DPP6: variants seen among roughly 807,000 people sequenced by gnomAD.
The protein encoded by DPP6 is dipeptidyl peptidase like 6, also known as A-type potassium channel modulatory protein DPP6.
In DPP6, 69 loss-of-function variants were observed where a neutral mutation model predicts 122.6. The ratio of observed to expected loss-of-function variants is 0.56; its 90% CI spans 0.46 to 0.69. DPP6 has a LOEUF of 0.69. DPP6 is among the 30% of genes least tolerant of loss of function. The pLI is 0.00. For synonymous variants in DPP6, 418 were observed against 433.1 expected, an observed-to-expected ratio of 0.97 and a Z score of 0.43; for missense variants, 928 against 1,116.9, an observed-to-expected ratio of 0.83 and a Z score of 2.41.
the DPP6 span, among the ~76,000 whole-genome samples, chr7:153,815,753 G>A: frequency 6.6e-5 from 10 of 152,218 alleles, 1 homozygote; most frequent in Admixed American, 5.9e-4. Flanking sequence ...GTTTAAACTT[G>A]CAAAGCCATC....
intron 8 of DPP6, among the ~76,000 whole-genome samples, chr7:154,738,401 A>C (rs1842666249): frequency 6.6e-6 from 1 of 152,204 alleles, no homozygotes; most frequent in African/African-American, 2.4e-5. Context: ...CATGGTGACC[A>C]GTCGGTTTGC....
At chr7:153,931,619 C>A (rs1437691237) in intron 1 of DPP6, among the ~76,000 whole-genome samples, 2 of 152,216 alleles carry the variant, frequency 1.3e-5, no homozygotes. Flanking sequence ...GGAGGGCCTC[C>A]GAGGCTGCCA....
chr7:154,537,889 T>C (rs1056731575), intron 3 of DPP6, among the ~76,000 whole-genome samples: 1 of 152,132 alleles, frequency 6.6e-6, no homozygotes, highest in African/African-American at 2.4e-5. Flanking sequence ...AAACTAGGAA[T>C]GACTGGTATC....
intron 6 of DPP6, among the ~76,000 whole-genome samples, chr7:154,667,803 TC>T (rs1284191768): frequency 2.6e-5 from 4 of 152,072 alleles, no homozygotes; most frequent in Non-Finnish European, 5.9e-5. Flanking sequence ...GCTTGCATCT[TC>T]CGATCACTGG....
chr7:153,754,918 G>A, the DPP6 span, among the ~76,000 whole-genome samples: 19 of 150,678 alleles, frequency 1.3e-4, no homozygotes, highest in Middle Eastern at 3.4e-3. Context: ...TTAATTCACC[G>A]TGAGTATCTT....
intron 3 of DPP6, among the ~76,000 whole-genome samples, chr7:154,508,134 C>G (rs1353601998): frequency 2.6e-5 from 4 of 152,158 alleles, no homozygotes; most frequent in Admixed American, 1.3e-4. Flanking sequence ...GGGCTTGGCT[C>G]TATGAAAAGC....
At chr7:154,209,134 C>G (rs11761978) in intron 1 of DPP6, among the ~76,000 whole-genome samples, 15,259 of 152,080 alleles carry the variant, frequency 0.1, 1,782 homozygotes, top group African/African-American at 0.28. Flanking sequence ...TCTTGATTCA[C>G]GTAACAAAAA....
the DPP6 span, among the ~76,000 whole-genome samples, chr7:153,796,611 T>C: frequency 2.0e-5 from 3 of 152,276 alleles, no homozygotes; most frequent in East Asian, 3.9e-4. Context: ...ATGCTACAAA[T>C]ATAATTTGTG....
chr7:154,186,507 G>A (rs772361785), intron 1 of DPP6, among the ~76,000 whole-genome samples: 42 of 152,234 alleles, frequency 2.8e-4, no homozygotes, highest in Non-Finnish European at 4.4e-4. Context: ...GAGGCCCCAG[G>A]GGCCCCTTGG....
intron 1 of DPP6, among the ~76,000 whole-genome samples, chr7:154,280,614 C>T (rs949051296): frequency 1.3e-5 from 2 of 152,178 alleles, no homozygotes; most frequent in African/African-American, 4.8e-5. Context: ...ATTCAATTTA[C>T]ACTTGGATTT....
intron 8 of DPP6, among the ~76,000 whole-genome samples, chr7:154,765,123 G>C (rs1463675890): frequency 6.6e-6 from 1 of 152,278 alleles, no homozygotes; most frequent in East Asian, 1.9e-4. Flanking sequence ...TCGTCTTTCT[G>C]TTTCTGGTTT....
intron 1 of DPP6, among the ~76,000 whole-genome samples, chr7:154,371,401 A>AG (rs1483151163): frequency 1.2e-4 from 14 of 120,624 alleles, no homozygotes; most frequent in South Asian, 5.0e-4. Flanking sequence ...AAAAAAAAAA[A>AG]AAAGAAAGAA....
At chr7:154,136,964 C>T (rs895509426) in intron 1 of DPP6, among the ~76,000 whole-genome samples, 15 of 152,130 alleles carry the variant, frequency 9.9e-5, no homozygotes, top group African/African-American at 3.6e-4. Context: ...TGCACTTTAC[C>T]TATAGATAGG....
chr7:154,811,834 C>T (rs1799079897), intron 16 of DPP6, among the ~76,000 whole-genome samples: 2 of 152,160 alleles, frequency 1.3e-5, no homozygotes, highest in Non-Finnish European at 2.9e-5. Flanking sequence ...ACAAAAATAA[C>T]GTCTCCACTC....
intron 1 of DPP6, among the ~76,000 whole-genome samples, chr7:154,220,678 T>A (rs2150827984): frequency 6.6e-6 from 1 of 152,308 alleles, no homozygotes; most frequent in Middle Eastern, 3.4e-3. Context: ...ATCTTGGAAT[T>A]CCAGCCTCCA....
Position 154,241,871 on chromosome 7 carries a change from C to T in DPP6, c.243+188808C>T, listed in dbSNP as rs139308720. Among the ~76,000 whole-genome samples the T allele has an allele frequency of 2.9e-3, 440 of 152,320 alleles. 1 individual carries two copies. Among genetic ancestry groups the T allele is most frequent in the African/African-American group, 0.01 (430 of 41,570 alleles). The stretch of plus-strand genomic sequence containing the variant: ...TGTGTCATCTCTGCTTTTCCACCCA[C>T]CCCTACCCCAACACTCATCCTACTT... On this transcript the variant is annotated intron_variant, in intron 1 of 25. Transcript: ENST00000377770. This position sits in a 1 kb window ranked among gnomAD's most constrained non-coding sequence, Gnocchi z 9.0.
At chr7:154,498,853 C>A (rs1050827944) in intron 3 of DPP6, among the ~76,000 whole-genome samples, 1 of 152,202 alleles carries the variant, frequency 6.6e-6, no homozygotes, top group African/African-American at 2.4e-5. Context: ...AGAAAGTCTC[C>A]AGACATTCCC....
the DPP6 span, among the ~76,000 whole-genome samples, chr7:153,785,557 AT>A: frequency 6.6e-6 from 1 of 152,144 alleles, no homozygotes; most frequent in Non-Finnish European, 1.5e-5. Flanking sequence ...ATTTTTTAAA[AT>A]TTGTAAAATA....
intron 1 of DPP6, among the ~76,000 whole-genome samples, chr7:154,442,275 T>C (rs1485918400): frequency 1.3e-5 from 2 of 152,124 alleles, no homozygotes; most frequent in Non-Finnish European, 2.9e-5. Flanking sequence ...GACACATGCA[T>C]TATGATAATA....
Sources: gnomAD v4.1 joint callset for allele counts (sites outside exome capture counted in the v4.1 genomes callset) on GRCh38, gnomAD v4.1.1 for gene constraint, Gnocchi (gnomAD v3.1) non-coding constraint, MANE v1.5 for transcripts, NCBI Gene and HGNC (gene_info 2026-07-23, HGNC 2026-07-21) for gene names.